ZFYVE9: variants seen among roughly 807,000 people sequenced by gnomAD.
ZFYVE9 encodes the protein zinc finger FYVE-type containing 9, also known as zinc finger FYVE domain-containing protein 9.
ZFYVE9 carries 43 observed loss-of-function variants against 126.7 expected under a neutral mutation model. The ratio of observed to expected loss-of-function variants is 0.34; its 90% CI spans 0.27 to 0.44. The LOEUF (loss-of-function observed/expected upper bound fraction) is 0.44, where lower values mean the gene tolerates loss of function less well. ZFYVE9 is among the 20% of genes least tolerant of loss of function. ZFYVE9 has a pLI of 1.00. For missense variants in ZFYVE9, 1,476 were observed against 1,697.0 expected (o/e 0.87, Z 2.29); for synonymous variants, 521 against 597.4 (o/e 0.87, Z 1.87).
At chr1:52,174,678 C>G (rs1258084516) in intron 1 of ZFYVE9, among the ~76,000 whole-genome samples, 2 of 151,972 alleles carry the variant, frequency 1.3e-5, no homozygotes, top group Non-Finnish European at 2.9e-5. Context: ...CTTTATGAAT[C>G]TGGGTGCTCC....
At chr1:52,161,530 A>G (rs1054675189) in intron 1 of ZFYVE9, among the ~76,000 whole-genome samples, 5 of 152,174 alleles carry the variant, frequency 3.3e-5, no homozygotes, top group Non-Finnish European at 5.9e-5. Context: ...AGCTCAGGCA[A>G]TCCGCCTGCC....
chr1:52,183,210 G>A (rs980264838), intron 1 of ZFYVE9, among the ~76,000 whole-genome samples: 1 of 152,186 alleles, frequency 6.6e-6, no homozygotes, highest in African/African-American at 2.4e-5. Context: ...GGGAAAGGTT[G>A]AAAAGACAGA....
intron 9 of ZFYVE9, among the ~76,000 whole-genome samples, chr1:52,278,980 C>A (rs568491417): frequency 6.6e-6 from 1 of 152,016 alleles, no homozygotes; most frequent in African/African-American, 2.4e-5. Context: ...ACCTGGTGAT[C>A]CGCCCGCCTC....
chr1:52,301,421 G>T (rs1238884739), intron 12 of ZFYVE9, among the ~76,000 whole-genome samples: 1 of 149,566 alleles, frequency 6.7e-6, no homozygotes, highest in East Asian at 2.0e-4. Flanking sequence ...CCCGACCTTG[G>T]CCTACCAAGT....
At chr1:52,195,940 G>A (rs749257832) in intron 1 of ZFYVE9, among the ~76,000 whole-genome samples, 1 of 151,922 alleles carries the variant, frequency 6.6e-6, no homozygotes, top group South Asian at 2.1e-4. Flanking sequence ...CTATAGGTTC[G>A]CGGCAGCAAG....
chr1:52,277,187 G>A (rs1462766190), intron 8 of ZFYVE9, among the ~76,000 whole-genome samples: 1 of 150,310 alleles, frequency 6.7e-6, no homozygotes. Context: ...TCAGATTGTT[G>A]GATTCTATTG....
chr1:52,342,927 G>A (rs1646451824), intron 17 of ZFYVE9, among the ~76,000 whole-genome samples: 2 of 147,734 alleles, frequency 1.4e-5, no homozygotes, highest in South Asian at 4.2e-4. Context: ...TTTTTTTTGA[G>A]ACGGAGTCTC....
At position 52,196,512 on chromosome 1, in the gene ZFYVE9, C is replaced by T. The variant is rs1163532253; in HGVS notation, c.-142-19857C>T. 3.9e-5 allele frequency among the ~76,000 whole-genome samples: 6 copies of T among 152,108 alleles called. No individual in the cohort carries two copies. In the East Asian group the frequency reaches 1.2e-3, roughly 29 times the overall value. ...ATTAGCCAGGTGTGGTGGTGGGTGC[C>T]TGTAGTCCCAGCTACTCGGGAGGCT... On this transcript the variant is annotated intron_variant, in intron 1 of 18. Coordinates refer to ENST00000287727, the MANE Select transcript of ZFYVE9 (RefSeq NM_004799.4).
chr1:52,179,129 G>T (rs1644670387), intron 1 of ZFYVE9, among the ~76,000 whole-genome samples: 1 of 152,162 alleles, frequency 6.6e-6, no homozygotes, highest in African/African-American at 2.4e-5. Flanking sequence ...GGTTTGAATT[G>T]TTAGGATTGA....
intron 4 of ZFYVE9, among the ~76,000 whole-genome samples, chr1:52,240,460 A>G (rs1645321841): frequency 6.6e-6 from 1 of 152,222 alleles, no homozygotes; most frequent in South Asian, 2.1e-4. Flanking sequence ...GTGCTCAATG[A>G]TTAATCTCTA....
rs557800900 is a variant in ZFYVE9 at position 52,242,118 on chromosome 1, G to A, written c.2178+2523G>A. On this transcript the variant is annotated intron_variant, in intron 4 of 18. Coordinates refer to ENST00000287727, the MANE Select transcript of ZFYVE9 (RefSeq NM_004799.4). ...GTGATCTCAGTTCACTGCAACCTCT[G>A]CCTCCTGGGCTCAGGCAATTCTCCT... Among the ~76,000 whole-genome samples, 3 of 141,078 alleles carry A rather than the reference G, an allele frequency of 2.1e-5. No homozygotes were observed. The East Asian group carries it at 6.2e-4, about 29-fold the overall frequency. The allele number at this position is 141,078 out of a possible 152,430, so 92.6% of individuals were successfully genotyped here.
In ZFYVE9 at chr1:52,288,925, C is replaced by CAAAAAAA. The variant is rs775138803; in HGVS notation, c.3026-4513_3026-4507dup. Among the ~76,000 whole-genome samples the CAAAAAAA allele has an allele frequency of 2.4e-3, 144 of 61,156 alleles. 1 individual carries two copies. Among genetic ancestry groups the CAAAAAAA allele is most frequent in the African/African-American group, 3.6e-3 (65 of 17,950 alleles). The allele number at this position is 61,156 out of a possible 152,430, so 40.1% of individuals were successfully genotyped here. On this transcript the variant is annotated intron_variant, in intron 10 of 18. Coordinates refer to ENST00000287727, the MANE Select transcript of ZFYVE9 (RefSeq NM_004799.4). ...TGGGTGACAGAGCGAGACTCTGTCT[C>CAAAAAAA]AAAAAAAAAAAAAAAAAAAAAGAAA...
intron 4 of ZFYVE9, among the ~76,000 whole-genome samples, chr1:52,248,628 TTGTA>T (rs1221773989): frequency 3.3e-5 from 5 of 152,238 alleles, no homozygotes; most frequent in Non-Finnish European, 7.3e-5. Context: ...GAATATTTCA[TTGTA>T]TGTATGTACC....
At chr1:52,323,656 G>C (rs1366377658) in intron 13 of ZFYVE9, among the ~76,000 whole-genome samples, 2 of 152,194 alleles carry the variant, frequency 1.3e-5, no homozygotes, top group African/African-American at 2.4e-5. Flanking sequence ...CCTCATGCCT[G>C]TAATCCCAGC....
intron 13 of ZFYVE9, among the ~76,000 whole-genome samples, chr1:52,312,684 G>C (rs1481243029): frequency 6.6e-6 from 1 of 152,172 alleles, no homozygotes; most frequent in Non-Finnish European, 1.5e-5. Flanking sequence ...GTCTCTAGGG[G>C]ACTTGCTCTG....
intron 13 of ZFYVE9, among the ~76,000 whole-genome samples, chr1:52,314,353 A>G: frequency 6.6e-6 from 1 of 152,230 alleles, no homozygotes; most frequent in East Asian, 1.9e-4. Flanking sequence ...AAAAACTGTC[A>G]TCCTATATTT....
intron 13 of ZFYVE9, among the ~76,000 whole-genome samples, chr1:52,327,967 C>G (rs1187716367): frequency 2.7e-5 from 4 of 150,498 alleles, no homozygotes; most frequent in Non-Finnish European, 5.9e-5. Context: ...GAGCAAGACT[C>G]TGTCTCAAAA....
At chr1:52,291,688 G>T (rs1376591025) in intron 10 of ZFYVE9, among the ~76,000 whole-genome samples, 1 of 151,908 alleles carries the variant, frequency 6.6e-6, no homozygotes, top group East Asian at 1.9e-4. Context: ...GACCAGCCTG[G>T]CCAATATGGT....
At chr1:52,295,394 C>T (rs1403899539) in intron 11 of ZFYVE9, among the ~76,000 whole-genome samples, 2 of 151,944 alleles carry the variant, frequency 1.3e-5, no homozygotes, top group Admixed American at 1.3e-4. Context: ...GGGTCTCATT[C>T]TGTCACCAAG....
Sources: allele counts gnomAD v4.1 joint callset (sites outside exome capture counted in the v4.1 genomes callset), GRCh38; gene constraint gnomAD v4.1.1; transcripts MANE v1.5; gene names NCBI Gene and HGNC (gene_info 2026-07-23, HGNC 2026-07-21).